TYW1B: variants seen among roughly 807,000 people sequenced by gnomAD.
The protein encoded by TYW1B is S-adenosyl-L-methionine-dependent tRNA 4-demethylwyosine synthase TYW1B.
TYW1B carries 73 observed loss-of-function variants against 86.9 expected under a neutral mutation model. The ratio of observed to expected loss-of-function variants is 0.84; its 90% CI spans 0.70 to 1.02. The LOEUF (loss-of-function observed/expected upper bound fraction) is 1.02. Ranked by LOEUF, TYW1B falls within the 50% of genes least tolerant of loss-of-function variation. The probability of loss-of-function intolerance (pLI) is 0.00; values close to 1 mark genes in which losing one functional copy is unlikely to be tolerated. For missense variants in TYW1B, 637 were observed against 827.4 expected (o/e 0.77, Z 2.82); for synonymous variants, 248 against 292.8 (o/e 0.85, Z 1.56).
intron 9 of TYW1B, among the ~76,000 whole-genome samples, chr7:72,715,538 T>G (rs1293575447): frequency 6.6e-6 from 1 of 151,904 alleles, no homozygotes; most frequent in African/African-American, 2.4e-5. Context: ...TTATGTATCC[T>G]AAGAACACAT....
At chr7:72,820,463 T>C (rs1788807728) in intron 2 of TYW1B, among the ~76,000 whole-genome samples, 1 of 152,212 alleles carries the variant, frequency 6.6e-6, no homozygotes, top group African/African-American at 2.4e-5. Context: ...TGGGCCACCA[T>C]AAAAAGGTTT....
chr7:72,823,545 G>A (rs1459558126), intron 2 of TYW1B, among the ~76,000 whole-genome samples: 1 of 151,722 alleles, frequency 6.6e-6, no homozygotes, highest in Non-Finnish European at 1.5e-5. Flanking sequence ...GCTTGAACCC[G>A]GGAAGCAGAG....
intron 11 of TYW1B, among the ~76,000 whole-genome samples, chr7:72,642,060 CA>C (rs1239259332): frequency 6.6e-6 from 1 of 152,126 alleles, no homozygotes. Context: ...GGACAGTCCA[CA>C]AATAAAACCC....
chr7:72,608,810 A>G (rs1256419051), intron 13 of TYW1B, among the ~76,000 whole-genome samples: 4 of 152,232 alleles, frequency 2.6e-5, no homozygotes, highest in Non-Finnish European at 1.5e-5. Context: ...AGAGGAGATT[A>G]GCGGTTGCCA....
At chr7:72,813,164 ACTTC>A (rs1363810928) in intron 3 of TYW1B, among the ~76,000 whole-genome samples, 11 of 141,172 alleles carry the variant, frequency 7.8e-5, no homozygotes, top group African/African-American at 2.9e-4. Context: ...AGCTCTACAT[ACTTC>A]TTCTTTTTTT....
chr7:72,761,481 C>G, intron 7 of TYW1B, among the ~76,000 whole-genome samples: 1 of 151,394 alleles, frequency 6.6e-6, no homozygotes, highest in East Asian at 1.9e-4. Flanking sequence ...GTGGCTCATA[C>G]GAGGGAGGCT....
intron 11 of TYW1B, among the ~76,000 whole-genome samples, chr7:72,642,163 T>C (rs1347443859): frequency 2.0e-5 from 3 of 152,170 alleles, no homozygotes; most frequent in Admixed American, 6.6e-5. Flanking sequence ...CTGAGACAAC[T>C]AGTTATTCAC....
chr7:72,766,795 T>C (rs1787779342), intron 7 of TYW1B, among the ~76,000 whole-genome samples: 1 of 149,846 alleles, frequency 6.7e-6, no homozygotes, highest in South Asian at 2.1e-4. Context: ...GGCATGGTGG[T>C]GCATACCTGT....
chr7:72,674,078 C>G (rs1342133834), intron 11 of TYW1B, among the ~76,000 whole-genome samples: 8 of 152,058 alleles, frequency 5.3e-5, no homozygotes, highest in African/African-American at 1.9e-4. Context: ...TAGGACACTG[C>G]CTAGGCTTCA....
At chr7:72,701,390 A>T (rs1456597933) in intron 10 of TYW1B, among the ~76,000 whole-genome samples, 4 of 152,092 alleles carry the variant, frequency 2.6e-5, no homozygotes, top group Non-Finnish European at 5.9e-5. Context: ...CAGCATCCTC[A>T]GTAGCTGGGA....
At chr7:72,633,922 G>C (rs1812603702) in intron 11 of TYW1B, among the ~76,000 whole-genome samples, 1 of 152,058 alleles carries the variant, frequency 6.6e-6, no homozygotes, top group African/African-American at 2.4e-5. Context: ...ATGCTACTGG[G>C]ACATACATTC....
intron 7 of TYW1B, among the ~76,000 whole-genome samples, chr7:72,759,303 C>A (rs534830409): frequency 6.6e-6 from 1 of 152,284 alleles, no homozygotes; most frequent in African/African-American, 2.4e-5. Context: ...CCACCGTAAT[C>A]CAGCCTGGGT....
chr7:72,617,492 G>A (rs1170793171), intron 12 of TYW1B, among the ~76,000 whole-genome samples: 8 of 152,062 alleles, frequency 5.3e-5, no homozygotes, highest in South Asian at 2.1e-4. Flanking sequence ...TCAGCCTTCC[G>A]AGTAGCTGGG....
Position 72,797,931 on chromosome 7 carries a change from C to T in TYW1B, c.846+4469G>A, listed in dbSNP as rs563782839. 1.8e-4 allele frequency among the ~76,000 whole-genome samples: 27 copies of T among 151,914 alleles called. No individual in the cohort carries two copies. The South Asian group carries it at 5.6e-3, about 32-fold the overall frequency. On this transcript the variant is annotated intron_variant, in intron 6 of 13. Transcript: ENST00000620995. ...CAGAATTGAATTGAACTACAGGATACCCATTTGGTGCCACAGATCGATGTC... is the reference window on the plus strand; with the variant it reads ...CAGAATTGAATTGAACTACAGGATATCCATTTGGTGCCACAGATCGATGTC...
intron 13 of TYW1B, among the ~76,000 whole-genome samples, chr7:72,579,052 T>A (rs1186649722): frequency 8.9e-4 from 124 of 139,152 alleles, no homozygotes; most frequent in Non-Finnish European, 1.5e-3. Context: ...ATGGACTTAA[T>A]TTTTTTTTTT....
rs146269556 is a variant in TYW1B, at chr7:72,820,134, G to A, written c.136-4653C>T. Among the ~76,000 whole-genome samples the A allele has an allele frequency of 6.6e-3, 1,007 of 152,184 alleles. 15 individuals carry two copies. The highest frequency in any genetic ancestry group is 0.021 in the African/African-American group (868 of 41,524). On this transcript the variant is annotated intron_variant, in intron 2 of 13. Coordinates refer to ENST00000620995, the MANE Select transcript of TYW1B (RefSeq NM_001145440.3). ...TACTAAAAATGCAAAAATTAGCCAG[G>A]TGTGGTGGCGCACACCTGTAGTCCC...
At chr7:72,733,129 G>A (rs1787140525) in intron 8 of TYW1B, among the ~76,000 whole-genome samples, 1 of 150,528 alleles carries the variant, frequency 6.6e-6, no homozygotes, top group African/African-American at 2.5e-5. Flanking sequence ...ACGGCCAGAT[G>A]GCTTCCCTGG....
At chr7:72,663,418 T>C (rs1330506009) in intron 11 of TYW1B, among the ~76,000 whole-genome samples, 7 of 152,042 alleles carry the variant, frequency 4.6e-5, no homozygotes, top group African/African-American at 1.7e-4. Context: ...CCCCCAGTTC[T>C]CTGCTAGGTG....
chr7:72,758,288 G>A (rs565285260), intron 7 of TYW1B, among the ~76,000 whole-genome samples: 9 of 151,976 alleles, frequency 5.9e-5, no homozygotes, highest in Non-Finnish European at 1.3e-4. Flanking sequence ...AAGGCAGGAG[G>A]ATCACTTGAA....
Sources: gnomAD v4.1 joint callset for allele counts (sites outside exome capture counted in the v4.1 genomes callset) on GRCh38, gnomAD v4.1.1 for gene constraint, MANE v1.5 for transcripts, NCBI Gene and HGNC (gene_info 2026-07-23, HGNC 2026-07-21) for gene names.